The following RYR2 variants were observed in gnomAD, a reference collection of about 807,000 sequenced individuals.
RYR2 encodes cardiac muscle ryanodine receptor-calcium release channel.
A neutral mutation model predicts 601.1 loss-of-function variants in RYR2; 227 were observed. That is an observed-to-expected ratio of 0.38 (90% CI 0.34 to 0.42). The LOEUF is 0.42. Among genes scored for constraint, RYR2 ranks in the 10% least tolerant of loss-of-function variants. The pLI is 1.00. For synonymous variants in RYR2, 2,223 were observed against 2,175.1 expected, an observed-to-expected ratio of 1.02 and a Z score of -0.61; for missense variants, 4,646 against 6,156.5, an observed-to-expected ratio of 0.75 and a Z score of 8.21.
chr1:237,065,406 A>G (rs1663469328), intron 1 of RYR2, among the ~76,000 whole-genome samples: 1 of 150,258 alleles, frequency 6.7e-6, no homozygotes, highest in African/African-American at 2.5e-5. Flanking sequence ...CAGCCTCCTG[A>G]GTAGCTGGGA....
chr1:237,784,290 G>C lies in RYR2; in HGVS notation c.12578G>C (p.Cys4193Ser). 1 of 1,613,950 alleles carries C rather than the reference G, an allele frequency of 6.2e-7. No individual in the cohort carries two copies. The highest frequency in any genetic ancestry group is 8.5e-7 in the Non-Finnish European group (1 of 1,179,896). The change falls in exon 90 of 105, where the codon TGC becomes TCC. Residue 4193 changes from cysteine (C) to serine (S), a missense_variant. Coordinates refer to ENST00000366574, the MANE Select transcript of RYR2 (RefSeq NM_001035.3). This position sits in a 1 kb window ranked among gnomAD's most constrained non-coding sequence, Gnocchi z 7.1. ...AAGATGGAACTCTTTGTGAACTTCT[G>C]CGAGGACACCATCTTTGAAATGCAG... ...KEKMELFVNF[C>S]EDTIFEMQLA...
intron 101 of RYR2, among the ~76,000 whole-genome samples, chr1:237,824,925 A>G (rs905163914): frequency 3.1e-4 from 47 of 151,982 alleles, no homozygotes; most frequent in African/African-American, 1.0e-3. Context: ...CACAATTGCT[A>G]TAAAGAGAAT....
chr1:237,597,330 G>T (rs547737373), intron 34 of RYR2, among the ~76,000 whole-genome samples: 2 of 149,522 alleles, frequency 1.3e-5, no homozygotes, highest in Admixed American at 1.3e-4. Flanking sequence ...TTGCTCTGTT[G>T]CCAGGTAATG....
chr1:237,379,670 C>T (rs1407425625), intron 8 of RYR2, among the ~76,000 whole-genome samples: 2 of 152,050 alleles, frequency 1.3e-5, no homozygotes, highest in Non-Finnish European at 1.5e-5. Flanking sequence ...TGCCCTGTGG[C>T]CCAGGCTGGA....
At chr1:237,721,704 G>A (rs886645775) in intron 73 of RYR2, among the ~76,000 whole-genome samples, 2 of 151,984 alleles carry the variant, frequency 1.3e-5, no homozygotes, top group African/African-American at 4.8e-5. Flanking sequence ...ATTTTTAATC[G>A]AGAAGAGGTT....
At chr1:237,581,940 C>A (rs1195847957) in intron 29 of RYR2, among the ~76,000 whole-genome samples, 1 of 152,256 alleles carries the variant, frequency 6.6e-6, no homozygotes, top group East Asian at 1.9e-4. Context: ...TGGCCTTGGG[C>A]AAATAGCCTG....
chr1:237,152,286 G>A (rs1674802404), intron 1 of RYR2, among the ~76,000 whole-genome samples: 1 of 152,074 alleles, frequency 6.6e-6, no homozygotes, highest in South Asian at 2.1e-4. Context: ...CCATGTCTTC[G>A]CTATTGTGAA....
chr1:237,346,472 G>A (rs1359236000), intron 3 of RYR2, among the ~76,000 whole-genome samples: 1 of 151,610 alleles, frequency 6.6e-6, no homozygotes, highest in Non-Finnish European at 1.5e-5. Flanking sequence ...GATTAATTTA[G>A]GAAGTAGTAG....
At chr1:237,070,793 C>A (rs1050777925) in intron 1 of RYR2, among the ~76,000 whole-genome samples, 2 of 152,220 alleles carry the variant, frequency 1.3e-5, no homozygotes, top group African/African-American at 4.8e-5. Flanking sequence ...GAGGCTGTGG[C>A]TGGATCAGAC....
At chr1:237,663,958 T>A (rs1684049034) in intron 56 of RYR2, among the ~76,000 whole-genome samples, 1 of 152,198 alleles carries the variant, frequency 6.6e-6, no homozygotes, top group Non-Finnish European at 1.5e-5. Context: ...AGAAGCTGAT[T>A]GGAGAGGGGT....
intron 1 of RYR2, among the ~76,000 whole-genome samples, chr1:237,135,467 T>G (rs1336166480): frequency 6.6e-6 from 1 of 151,172 alleles, no homozygotes; most frequent in African/African-American, 2.4e-5. Flanking sequence ...CCTCCCAGGT[T>G]CACGCCATTC....
At position 237,595,627 on chromosome 1, in the gene RYR2, C is replaced by T; in HGVS notation, c.4566C>T (p.Ala1522=). The part of the protein sequence containing the change: ...DAASGLLTFI[A]NGKELSTYYQ... ...CCAGCGGGCTGCTCACATTCATTGC[C>T]AATGGCAAGGAACTGAGCACATACT... Residue 1522 remains alanine, a synonymous_variant, in exon 34 of 105, where the codon GCC becomes GCT. Coordinates refer to ENST00000366574, the MANE Select transcript of RYR2 (RefSeq NM_001035.3). 1 of 1,613,300 alleles carries T rather than the reference C, an allele frequency of 6.2e-7. No homozygotes were observed. The highest frequency in any genetic ancestry group is 8.5e-7 in the Non-Finnish European group (1 of 1,179,650).
At chr1:237,417,185 CT>C (rs1705095152) in intron 11 of RYR2, 62 bp downstream of exon 11, 1 of 1,306,434 alleles carries the variant, frequency 7.7e-7, no homozygotes, top group Non-Finnish European at 1.1e-6. Context: ...CAGCGTTGTG[CT>C]TCTGTGTCAG....
chr1:237,293,881 T>C (rs1351696181), intron 2 of RYR2, among the ~76,000 whole-genome samples: 1 of 152,138 alleles, frequency 6.6e-6, no homozygotes, highest in Non-Finnish European at 1.5e-5. Context: ...CATTGGCCAT[T>C]GGTAATCAAG....
chr1:237,451,996 GTGTT>G (rs1409237639), intron 14 of RYR2, among the ~76,000 whole-genome samples: 1 of 149,660 alleles, frequency 6.7e-6, no homozygotes, highest in Non-Finnish European at 1.5e-5. Context: ...GTTTGTGTGT[GTGTT>G]TGTGTGTGTG....
chr1:237,550,140 C>A (rs1670237500), intron 26 of RYR2, among the ~76,000 whole-genome samples: 2 of 152,140 alleles, frequency 1.3e-5, no homozygotes, highest in Non-Finnish European at 2.9e-5. Context: ...GCCTTAAGTT[C>A]TTCATTGCCT....
At chr1:237,385,809 C>G (rs532954925) in intron 8 of RYR2, among the ~76,000 whole-genome samples, 13 of 152,256 alleles carry the variant, frequency 8.5e-5, no homozygotes, top group African/African-American at 3.1e-4. Context: ...TCTCCACATA[C>G]GTGTTTACTG....
chr1:237,726,963 T>C (rs1039421369), intron 75 of RYR2, 124 bp from the exon 76 acceptor site: 7 of 588,922 alleles, frequency 1.2e-5, no homozygotes, highest in Non-Finnish European at 2.2e-5. Context: ...ATTCCAAATA[T>C]AGATTACTTA....
intron 1 of RYR2, 199 bp from the exon 2 acceptor site, chr1:237,270,298 C>G (rs1316099068): frequency 4.1e-6 from 3 of 739,914 alleles, no homozygotes; most frequent in Non-Finnish European, 4.7e-6. Context: ...TTCCCCTACT[C>G]AGTTGCCTTT....
Sources: allele counts gnomAD v4.1 joint callset (sites outside exome capture counted in the v4.1 genomes callset), GRCh38; gene constraint gnomAD v4.1.1; non-coding constraint Gnocchi (gnomAD v3.1); transcripts MANE v1.5; gene names NCBI Gene and HGNC (gene_info 2026-07-23, HGNC 2026-07-21).